The following NRG3 variants were observed in gnomAD, a reference collection of about 807,000 sequenced individuals.
NRG3 encodes pro-neuregulin-3, membrane-bound isoform.
NRG3 carries 31 observed loss-of-function variants against 66.9 expected under a neutral mutation model. The observed-to-expected ratio is 0.46, with a 90% CI of 0.35 to 0.63. The LOEUF is 0.63. NRG3 is among the 20% of genes least tolerant of loss of function. The probability of loss-of-function intolerance (pLI) is 0.00; values close to 1 mark genes in which losing one functional copy is unlikely to be tolerated. For synonymous variants in NRG3, 393 were observed against 359.4 expected (o/e 1.09, Z -1.06); for missense variants, 910 against 878.9 (o/e 1.04, Z -0.45).
At chr10:82,555,971 C>CCATT (rs2044623855) in intron 2 of NRG3, among the ~76,000 whole-genome samples, 1 of 152,162 alleles carries the variant, frequency 6.6e-6, no homozygotes, top group Non-Finnish European at 1.5e-5. Flanking sequence ...CATTCTTCAA[C>CCATT]CATTGCAACT....
intron 1 of NRG3, among the ~76,000 whole-genome samples, chr10:81,882,647 T>A (rs910510136): frequency 2.0e-5 from 3 of 152,078 alleles, no homozygotes; most frequent in African/African-American, 7.2e-5. Context: ...TTATGTCAAG[T>A]GAAATGGGAA....
rs1220251541 is a variant in NRG3, at chr10:82,952,992, A to C, written c.1157+1421A>C. 2.6e-5 allele frequency among the ~76,000 whole-genome samples: 4 copies of C among 151,992 alleles called. No homozygotes were observed. In the South Asian group the frequency reaches 8.3e-4, roughly 31 times the overall value. On this transcript the variant is annotated intron_variant, in intron 5 of 8. Transcript: ENST00000372141. ...TTAATGCCTTACATTAGCATGGTAC[A>C]TTTGTCACAATTAATGGAACAATAT...
At chr10:82,647,164 C>T (rs1301893917) in intron 2 of NRG3, among the ~76,000 whole-genome samples, 2 of 151,980 alleles carry the variant, frequency 1.3e-5, no homozygotes, top group Non-Finnish European at 2.9e-5. Flanking sequence ...CTCCCCCGAC[C>T]CCACAACAGT....
At chr10:82,135,715 A>T (rs1218324284) in intron 1 of NRG3, among the ~76,000 whole-genome samples, 1 of 152,096 alleles carries the variant, frequency 6.6e-6, no homozygotes, top group Non-Finnish European at 1.5e-5. Context: ...CGTTAAATTT[A>T]TCTGATAGGA....
chr10:82,268,784 G>T (rs1230984480), intron 1 of NRG3, among the ~76,000 whole-genome samples: 1 of 152,010 alleles, frequency 6.6e-6, no homozygotes, highest in Non-Finnish European at 1.5e-5. Context: ...TGGGGGATGG[G>T]GTAATGGGGG....
At chr10:82,522,425 T>G (rs2132554506) in intron 2 of NRG3, among the ~76,000 whole-genome samples, 1 of 152,236 alleles carries the variant, frequency 6.6e-6, no homozygotes, top group Non-Finnish European at 1.5e-5. Flanking sequence ...GTTTTCCACC[T>G]TCTAAGTACG....
intron 3 of NRG3, among the ~76,000 whole-genome samples, chr10:82,798,980 G>A (rs900149064): frequency 6.6e-6 from 1 of 152,090 alleles, no homozygotes; most frequent in Non-Finnish European, 1.5e-5. Flanking sequence ...GATACTCAAG[G>A]TTCATAGGAT....
At chr10:82,239,550 A>G (rs996860268) in intron 1 of NRG3, among the ~76,000 whole-genome samples, 7 of 152,120 alleles carry the variant, frequency 4.6e-5, no homozygotes, top group Non-Finnish European at 7.4e-5. Context: ...TGTTGTTTTA[A>G]TTTATCTGAT....
At chr10:82,798,870 A>G (rs2060910902) in intron 3 of NRG3, among the ~76,000 whole-genome samples, 1 of 152,138 alleles carries the variant, frequency 6.6e-6, no homozygotes, top group African/African-American at 2.4e-5. Flanking sequence ...CTACATCCTT[A>G]TCTCGGACCC....
intron 2 of NRG3, among the ~76,000 whole-genome samples, chr10:82,445,502 C>G (rs957076980): frequency 6.6e-6 from 1 of 152,144 alleles, no homozygotes; most frequent in African/African-American, 2.4e-5. Flanking sequence ...CTTAGGGGCT[C>G]TCTGTGTCTA....
rs116837825 is a variant in NRG3 at position 82,367,236 on chromosome 10, G to T, written c.953+8368G>T. On this transcript the variant is annotated intron_variant, in intron 2 of 8. Coordinates refer to ENST00000372141, the MANE Select transcript of NRG3 (RefSeq NM_001010848.4). ...ATAACTGTCCTTCCTGGCAGTCATT[G>T]GACCATAATATATGTGAATGTCAAT... Among the ~76,000 whole-genome samples the T allele has an allele frequency of 8.7e-3, 1,317 of 152,250 alleles. 15 individuals are homozygous for T. Among genetic ancestry groups the T allele is most frequent in the African/African-American group, 0.03 (1,227 of 41,528 alleles).
chr10:82,710,419 C>T (rs2056586391), intron 2 of NRG3, among the ~76,000 whole-genome samples: 1 of 151,946 alleles, frequency 6.6e-6, no homozygotes, highest in South Asian at 2.1e-4. Flanking sequence ...AACCAAGTCT[C>T]TACCAAAATT....
At chr10:82,271,757 T>G (rs1278580265) in intron 1 of NRG3, among the ~76,000 whole-genome samples, 1 of 152,118 alleles carries the variant, frequency 6.6e-6, no homozygotes, top group African/African-American at 2.4e-5. Context: ...AGAAACAGCA[T>G]GAATATTACT....
At chr10:82,322,534 T>C (rs905663321) in intron 1 of NRG3, among the ~76,000 whole-genome samples, 1 of 151,350 alleles carries the variant, frequency 6.6e-6, no homozygotes, top group Non-Finnish European at 1.5e-5. Context: ...TGTTCCATAT[T>C]AGCTTTTTTT....
chr10:82,391,655 G>A (rs150866599), intron 2 of NRG3, among the ~76,000 whole-genome samples: 78 of 152,238 alleles, frequency 5.1e-4, no homozygotes, highest in Non-Finnish European at 8.7e-4. Flanking sequence ...CAATCATGCA[G>A]ATGAGGATAA....
chr10:82,567,108 G>A (rs2045456975), intron 2 of NRG3, among the ~76,000 whole-genome samples: 1 of 151,954 alleles, frequency 6.6e-6, no homozygotes, highest in Non-Finnish European at 1.5e-5. Flanking sequence ...GAGAGACAAA[G>A]GAGCCCCATC....
At chr10:81,963,939 G>A (rs1380597548) in intron 1 of NRG3, among the ~76,000 whole-genome samples, 1 of 152,056 alleles carries the variant, frequency 6.6e-6, no homozygotes, top group East Asian at 1.9e-4. Flanking sequence ...CTGTGTTTTC[G>A]TAGCATTTGG....
intron 1 of NRG3, among the ~76,000 whole-genome samples, chr10:82,137,843 A>G (rs2069480575): frequency 6.6e-6 from 1 of 152,148 alleles, no homozygotes; most frequent in Admixed American, 6.6e-5. Context: ...GATTTAAGTT[A>G]AATACCCCAG....
intron 2 of NRG3, among the ~76,000 whole-genome samples, chr10:82,563,482 C>T (rs1390129012): frequency 6.6e-6 from 1 of 151,604 alleles, no homozygotes; most frequent in African/African-American, 2.4e-5. Flanking sequence ...CAGCCTGTTC[C>T]CTGAGATTTT....
Sources: gnomAD v4.1 joint callset for allele counts (sites outside exome capture counted in the v4.1 genomes callset) on GRCh38, gnomAD v4.1.1 for gene constraint, MANE v1.5 for transcripts, NCBI Gene and HGNC (gene_info 2026-07-23, HGNC 2026-07-21) for gene names.